The following DTNB variants were observed in gnomAD, a reference collection of about 807,000 sequenced individuals.
The protein encoded by DTNB is DTN-B.
In DTNB, 63 loss-of-function variants were observed where a neutral mutation model predicts 90.7. That is an observed-to-expected ratio of 0.69 (90% CI 0.57 to 0.86). The LOEUF (loss-of-function observed/expected upper bound fraction) is 0.86, where lower values mean the gene tolerates loss of function less well. Ranked by LOEUF, DTNB falls within the 40% of genes least tolerant of loss-of-function variation. The pLI is 0.00. For missense variants in DTNB, 744 were observed against 807.1 expected (o/e 0.92, Z 0.95); for synonymous variants, 277 against 286.7 (o/e 0.97, Z 0.34).
At chr2:25,418,144 A>G (rs999894320) in intron 16 of DTNB, among the ~76,000 whole-genome samples, 1 of 152,196 alleles carries the variant, frequency 6.6e-6, no homozygotes, top group Non-Finnish European at 1.5e-5. Flanking sequence ...AAACCTAGGA[A>G]AAACCAAAAC....
At chr2:25,620,755 C>A (rs1420690892) in intron 4 of DTNB, among the ~76,000 whole-genome samples, 1 of 152,058 alleles carries the variant, frequency 6.6e-6, no homozygotes, top group African/African-American at 2.4e-5. Context: ...TCCCTTGAAG[C>A]CAAGAGTTCA....
chr2:25,503,052 T>C (rs2071219265), intron 9 of DTNB, among the ~76,000 whole-genome samples: 1 of 24,710 alleles, frequency 4.0e-5, no homozygotes, highest in Non-Finnish European at 7.2e-5. Flanking sequence ...AGACCCTATC[T>C]CAAAAAAAAA....
intron 9 of DTNB, among the ~76,000 whole-genome samples, chr2:25,493,795 C>A (rs537301095): frequency 6.6e-6 from 1 of 152,276 alleles, no homozygotes; most frequent in South Asian, 2.1e-4. Flanking sequence ...ACTGTCCCTG[C>A]CCACAAGAAG....
At chr2:25,580,414 G>A (rs1028582164) in intron 7 of DTNB, among the ~76,000 whole-genome samples, 1 of 151,518 alleles carries the variant, frequency 6.6e-6, no homozygotes, top group African/African-American at 2.4e-5. Context: ...CCAGCTACTC[G>A]GGAGGCTGAG....
chr2:25,382,821 G>T (rs1429134615), intron 19 of DTNB, among the ~76,000 whole-genome samples: 1 of 151,884 alleles, frequency 6.6e-6, no homozygotes, highest in African/African-American at 2.4e-5. Flanking sequence ...GAGCCACCAC[G>T]TCTGGCCTAA....
In DTNB at chr2:25,424,814, C is replaced by T. The variant is rs2050974893; in HGVS notation, c.1554+2721G>A. Among the ~76,000 whole-genome samples the T allele has an allele frequency of 1.3e-5, 2 of 152,004 alleles. No homozygotes were observed. The highest frequency in any genetic ancestry group is 2.1e-4 in the South Asian group (1 of 4,814). ...TCCTGAGTAGCTGGGATTATAGGCA[C>T]GTGCCACCGTGCCCGGCTAATTTTT... On this transcript the variant is annotated intron_variant, in intron 15 of 20. Coordinates refer to ENST00000406818, the MANE Select transcript of DTNB (RefSeq NM_021907.5). The surrounding 1 kb of genome is among the most constrained non-coding windows in gnomAD (Gnocchi z 4.1).
At position 25,387,872 on chromosome 2, in the gene DTNB, C is replaced by T. The variant is rs1293028591; in HGVS notation, c.1735+330G>A. ...ACGGTCCCAGTTACAGTGCCTGTTA[C>T]AGTCCCTTCTAGGCCAGGGAATTAT... On this transcript the variant is annotated intron_variant, in intron 17 of 20. Transcript: ENST00000406818. This position sits in a 1 kb window ranked among gnomAD's most constrained non-coding sequence, Gnocchi z 4.5. Among the ~76,000 whole-genome samples the T allele has an allele frequency of 2.0e-5, 3 of 152,264 alleles. No homozygotes were observed. The highest frequency in any genetic ancestry group is 7.2e-5 in the African/African-American group (3 of 41,472).
chr2:25,414,491 T>C (rs952589348), intron 16 of DTNB, among the ~76,000 whole-genome samples: 2 of 152,182 alleles, frequency 1.3e-5, no homozygotes, highest in African/African-American at 4.8e-5. Context: ...CCTGACCTCG[T>C]GATTCACCTG....
Position 25,432,870 on chromosome 2 carries a change from G to A in DTNB, c.1457+16C>T, listed in dbSNP as rs1230967141. 6.3e-7 allele frequency: 1 copy of A among 1,580,618 alleles called. No individual in the cohort carries two copies. The highest frequency in any genetic ancestry group is 8.6e-7 in the Non-Finnish European group (1 of 1,163,912). On this transcript the variant is annotated intron_variant, in intron 14 of 20. Coordinates refer to ENST00000406818, the MANE Select transcript of DTNB (RefSeq NM_021907.5). ...AGTAGATTACATGTGGCAAGTGGTA[G>A]AGTGTCCCTACTCACCTCAGCAGCC...
intron 4 of DTNB, among the ~76,000 whole-genome samples, chr2:25,611,725 G>T (rs1375836743): frequency 6.6e-6 from 1 of 152,280 alleles, no homozygotes; most frequent in East Asian, 1.9e-4. Context: ...TGTAGTACCA[G>T]CTACTCAGGA....
At chr2:25,412,766 A>G (rs1447840527) in intron 16 of DTNB, among the ~76,000 whole-genome samples, 2 of 152,198 alleles carry the variant, frequency 1.3e-5, no homozygotes, top group Non-Finnish European at 2.9e-5. Flanking sequence ...TTTATGGTGC[A>G]CTGAGTCACT....
intron 8 of DTNB, among the ~76,000 whole-genome samples, chr2:25,571,649 T>C (rs2059886615): frequency 6.6e-6 from 1 of 152,162 alleles, no homozygotes; most frequent in African/African-American, 2.4e-5. Context: ...CAGCCCTAAG[T>C]TCCTGACTCC....
rs560988141 is a variant in DTNB, at chr2:25,459,815, T to C, written c.1080-4321A>G. Among the ~76,000 whole-genome samples, 9 of 152,130 alleles carry C rather than the reference T, an allele frequency of 5.9e-5. No homozygotes were observed. In the South Asian group the frequency reaches 1.9e-3, roughly 32 times the overall value. On this transcript the variant is annotated intron_variant, in intron 10 of 20. Transcript: ENST00000406818. ...GGCCCTGATATTATTTATATTTTAA[T>C]AAGATCATTAGGCCGGGTGTGGTGG...
intron 12 of DTNB, among the ~76,000 whole-genome samples, chr2:25,443,180 G>A (rs1353023903): frequency 6.6e-6 from 1 of 152,184 alleles, no homozygotes; most frequent in East Asian, 1.9e-4. Flanking sequence ...AGGGATCAGA[G>A]GATCATATTA....
chr2:25,585,170 C>T (rs2148262847), intron 6 of DTNB, among the ~76,000 whole-genome samples: 1 of 152,004 alleles, frequency 6.6e-6, no homozygotes, highest in East Asian at 1.9e-4. Flanking sequence ...TCATGCATTC[C>T]CACAATTCTC....
chr2:25,396,048 G>A (rs2042277816), intron 16 of DTNB, among the ~76,000 whole-genome samples: 1 of 152,122 alleles, frequency 6.6e-6, no homozygotes, highest in African/African-American at 2.4e-5. Context: ...AGTGGATAAA[G>A]AAAATGTGGT....
At chr2:25,529,403 T>C (rs1249971930) in intron 9 of DTNB, among the ~76,000 whole-genome samples, 1 of 151,806 alleles carries the variant, frequency 6.6e-6, no homozygotes, top group African/African-American at 2.4e-5. Context: ...GAAAGGGCCA[T>C]CTTTAAAACC....
chr2:25,454,517 T>C (rs945720614), intron 11 of DTNB, among the ~76,000 whole-genome samples: 5 of 152,222 alleles, frequency 3.3e-5, no homozygotes, highest in African/African-American at 7.2e-5. Flanking sequence ...CTGTGATTCT[T>C]CTTTGCTGTT....
chr2:25,576,675 G>T, intron 8 of DTNB, 163 bp downstream of exon 8: 1 of 877,548 alleles, frequency 1.1e-6, no homozygotes, highest in Non-Finnish European at 1.6e-6. Context: ...AAAATCAAGT[G>T]AGGAAGCACA....
Sources: gnomAD v4.1 joint callset for allele counts (sites outside exome capture counted in the v4.1 genomes callset) on GRCh38, gnomAD v4.1.1 for gene constraint, Gnocchi (gnomAD v3.1) non-coding constraint, MANE v1.5 for transcripts, NCBI Gene and HGNC (gene_info 2026-07-23, HGNC 2026-07-21) for gene names.